LRRC4C: variants seen among roughly 807,000 people sequenced by gnomAD.
LRRC4C encodes leucine rich repeat containing 4C, also known as leucine-rich repeat-containing protein 4C.
Under a neutral mutation model 33.6 loss-of-function variants are expected in LRRC4C, and 5 were observed. That is an observed-to-expected ratio of 0.15 (90% CI 0.08 to 0.31). The LOEUF is 0.31. Ranked by LOEUF, LRRC4C falls within the 10% of genes least tolerant of loss-of-function variation. The probability of loss-of-function intolerance (pLI) is 1.00; values close to 1 mark genes in which losing one functional copy is unlikely to be tolerated. For missense variants in LRRC4C, 560 were observed against 796.7 expected, an observed-to-expected ratio of 0.70 and a Z score of 3.58; for synonymous variants, 329 against 302.0, an observed-to-expected ratio of 1.09 and a Z score of -0.93.
At chr11:41,296,877 G>C (rs932301079) in intron 1 of LRRC4C, among the ~76,000 whole-genome samples, 3 of 152,192 alleles carry the variant, frequency 2.0e-5, no homozygotes, top group African/African-American at 7.2e-5. Context: ...ATAATAAAAA[G>C]TACTTCTTGA....
intron 1 of LRRC4C, among the ~76,000 whole-genome samples, chr11:41,095,983 A>C (rs1265756865): frequency 6.6e-6 from 1 of 152,192 alleles, no homozygotes; most frequent in Non-Finnish European, 1.5e-5. Flanking sequence ...TCAACACTGA[A>C]TGAGAGCCTA....
intron 1 of LRRC4C, among the ~76,000 whole-genome samples, chr11:41,366,023 A>G (rs1952522450): frequency 1.3e-5 from 2 of 152,234 alleles, no homozygotes; most frequent in African/African-American, 4.8e-5. Context: ...GTAGGATAAT[A>G]ATGGCTTGCA....
intron 4 of LRRC4C, among the ~76,000 whole-genome samples, chr11:40,313,129 C>T (rs932265786): frequency 2.0e-5 from 3 of 152,146 alleles, no homozygotes; most frequent in African/African-American, 7.3e-5. Flanking sequence ...TTACAACTCA[C>T]ATTCTTTTTG....
At chr11:41,225,037 C>T (rs1350994692) in intron 1 of LRRC4C, among the ~76,000 whole-genome samples, 1 of 152,258 alleles carries the variant, frequency 6.6e-6, no homozygotes, top group South Asian at 2.1e-4. Context: ...GAAAGACAAA[C>T]ATCACACGTT....
chr11:40,328,628 T>C (rs11035783), intron 3 of LRRC4C, among the ~76,000 whole-genome samples: 14,780 of 152,250 alleles, frequency 0.097, 901 homozygotes, highest in African/African-American at 0.17. Flanking sequence ...GTATTGTACA[T>C]TTCCTGAGGA....
At chr11:40,481,795 C>T (rs981512427) in intron 3 of LRRC4C, among the ~76,000 whole-genome samples, 3 of 151,748 alleles carry the variant, frequency 2.0e-5, no homozygotes, top group African/African-American at 7.3e-5. Context: ...ACTGATTTGC[C>T]TATTTTCAAA....
At chr11:40,867,758 G>A (rs1285811213) in intron 2 of LRRC4C, among the ~76,000 whole-genome samples, 2 of 152,174 alleles carry the variant, frequency 1.3e-5, no homozygotes, top group African/African-American at 2.4e-5. Flanking sequence ...CTAATCTAAA[G>A]TGACAGCCAT....
chr11:41,226,064 A>T (rs1280416627), intron 1 of LRRC4C, among the ~76,000 whole-genome samples: 2 of 152,200 alleles, frequency 1.3e-5, no homozygotes, highest in Non-Finnish European at 2.9e-5. Context: ...GAAACATGAC[A>T]TTCAACTGTG....
chr11:41,378,828 T>G (rs138515508), intron 1 of LRRC4C, among the ~76,000 whole-genome samples: 1 of 152,256 alleles, frequency 6.6e-6, no homozygotes, highest in Non-Finnish European at 1.5e-5. Flanking sequence ...GATCTTCATT[T>G]TTAATGCAAG....
At chr11:40,189,864 C>G (rs772563428) in intron 5 of LRRC4C, among the ~76,000 whole-genome samples, 1 of 152,132 alleles carries the variant, frequency 6.6e-6, no homozygotes, top group Admixed American at 6.5e-5. Flanking sequence ...TTTAAACATA[C>G]ATGCTATCTA....
chr11:40,999,814 G>A (rs554089557), intron 1 of LRRC4C, among the ~76,000 whole-genome samples: 2 of 152,092 alleles, frequency 1.3e-5, no homozygotes, highest in Non-Finnish European at 2.9e-5. Context: ...AGGAATACCC[G>A]AGTTTCCCTA....
intron 3 of LRRC4C, among the ~76,000 whole-genome samples, chr11:40,380,179 C>T (rs1213384138): frequency 1.3e-5 from 2 of 151,964 alleles, no homozygotes; most frequent in African/African-American, 4.8e-5. Context: ...TCAATTAAAC[C>T]TGAGGGAGTA....
At chr11:40,693,413 A>G (rs927298505) in intron 2 of LRRC4C, among the ~76,000 whole-genome samples, 6 of 152,104 alleles carry the variant, frequency 3.9e-5, no homozygotes, top group Non-Finnish European at 8.8e-5. Flanking sequence ...GCTAAAGATG[A>G]TTGAGTGAAA....
intron 1 of LRRC4C, among the ~76,000 whole-genome samples, chr11:41,312,772 CAG>C (rs1215181819): frequency 6.6e-6 from 1 of 152,158 alleles, no homozygotes; most frequent in African/African-American, 2.4e-5. Flanking sequence ...GGATGGGCAG[CAG>C]AGTCTCAAGT....
chr11:40,898,366 A>AAAGAAAAG (rs1554991244), intron 2 of LRRC4C, among the ~76,000 whole-genome samples: 2 of 117,374 alleles, frequency 1.7e-5, no homozygotes, highest in Non-Finnish European at 3.5e-5. Flanking sequence ...AAAAAAAAAA[A>AAAGAAAAG]AAAAAAGAAA....
intron 2 of LRRC4C, among the ~76,000 whole-genome samples, chr11:40,856,322 ATT>A (rs528229302): frequency 1.2e-4 from 18 of 152,326 alleles, no homozygotes; most frequent in African/African-American, 4.1e-4. Flanking sequence ...CTAGATACAG[ATT>A]TGTGGTCCAT....
rs557290560 is a variant in LRRC4C at position 40,710,224 on chromosome 11, G to T, written c.-406-61946C>A. ...TCAAAGTCATTCTCCATCCTGCTTT[G>T]TTCCGTTGTTGGCGAGGAGCTCGGA... On this transcript the variant is annotated intron_variant, in intron 2 of 6. Coordinates refer to ENST00000528697, the MANE Select transcript of LRRC4C (RefSeq NM_001258419.2). Among the ~76,000 whole-genome samples the T allele has an allele frequency of 9.5e-4, 145 of 152,296 alleles. 1 individual carries two copies. Among genetic ancestry groups the T allele is most frequent in the African/African-American group, 3.0e-3 (123 of 41,572 alleles).
At chr11:40,580,715 A>C (rs1591169209) in intron 3 of LRRC4C, among the ~76,000 whole-genome samples, 2 of 152,308 alleles carry the variant, frequency 1.3e-5, no homozygotes, top group South Asian at 4.1e-4. Flanking sequence ...ATAGCTCATT[A>C]CTTGAAAAAG....
At chr11:41,109,903 T>C (rs1402527093) in intron 1 of LRRC4C, among the ~76,000 whole-genome samples, 1 of 152,024 alleles carries the variant, frequency 6.6e-6, no homozygotes, top group Non-Finnish European at 1.5e-5. Context: ...TGTCTTGTAG[T>C]ATTGCTTTTT....
Sources: gnomAD v4.1 joint callset for allele counts (sites outside exome capture counted in the v4.1 genomes callset) on GRCh38, gnomAD v4.1.1 for gene constraint, MANE v1.5 for transcripts, NCBI Gene and HGNC (gene_info 2026-07-23, HGNC 2026-07-21) for gene names.